The following MACROD2 variants were observed in gnomAD, a reference collection of about 807,000 sequenced individuals.
MACROD2 encodes mono-ADP ribosylhydrolase 2.
MACROD2 carries 36 observed loss-of-function variants against 70.4 expected under a neutral mutation model. The observed-to-expected ratio is 0.51, with a 90% CI of 0.39 to 0.68. The LOEUF is 0.68. Ranked by LOEUF, MACROD2 falls within the 30% of genes least tolerant of loss-of-function variation. MACROD2 has a pLI of 0.00. For synonymous variants in MACROD2, 172 were observed against 178.8 expected (o/e 0.96, Z 0.30); for missense variants, 496 against 538.4 (o/e 0.92, Z 0.78).
intron 15 of MACROD2, among the ~76,000 whole-genome samples, chr20:16,032,489 T>C (rs1164456031): frequency 6.6e-6 from 1 of 151,238 alleles, no homozygotes; most frequent in Non-Finnish European, 1.5e-5. Context: ...AAAGTGTCCA[T>C]AATAATAAGT....
chr20:15,361,234 A>G (rs1204454356), intron 6 of MACROD2, among the ~76,000 whole-genome samples: 1 of 152,178 alleles, frequency 6.6e-6, no homozygotes, highest in African/African-American at 2.4e-5. Flanking sequence ...TCACTTTTGT[A>G]TAGGATGTGA....
intron 3 of MACROD2, among the ~76,000 whole-genome samples, chr20:14,332,623 G>A (rs1465148857): frequency 6.6e-6 from 1 of 152,034 alleles, no homozygotes; most frequent in African/African-American, 2.4e-5. Context: ...TATTTTTAAT[G>A]ATTTCTCTCA....
intron 5 of MACROD2, among the ~76,000 whole-genome samples, chr20:15,148,131 G>A (rs983473614): frequency 1.3e-4 from 20 of 151,938 alleles, no homozygotes; most frequent in African/African-American, 4.6e-4. Context: ...GGGTGGTATG[G>A]AGAGAGAATG....
intron 6 of MACROD2, among the ~76,000 whole-genome samples, chr20:15,294,646 G>A (rs2146113609): frequency 6.6e-6 from 1 of 152,284 alleles, no homozygotes; most frequent in South Asian, 2.1e-4. Context: ...GTATTCTCCT[G>A]TGGGCTACAT....
intron 3 of MACROD2, 111 bp downstream of exon 3, chr20:14,085,839 T>C (rs1251663297): frequency 7.1e-6 from 4 of 559,794 alleles, no homozygotes; most frequent in Non-Finnish European, 1.2e-5. Flanking sequence ...GACGTAGAAA[T>C]GTCTATTCTG....
At chr20:15,368,608 C>G (rs768872275) in intron 6 of MACROD2, among the ~76,000 whole-genome samples, 3 of 151,740 alleles carry the variant, frequency 2.0e-5, no homozygotes, top group Non-Finnish European at 4.4e-5. Flanking sequence ...ATTACAGGAG[C>G]GCACCACCAT....
chr20:15,946,416 C>T (rs2050747), intron 12 of MACROD2, among the ~76,000 whole-genome samples: 106,609 of 151,976 alleles, frequency 0.7, 37,684 homozygotes, highest in Non-Finnish European at 0.75. Flanking sequence ...GAAATTATAA[C>T]AGATAATACA....
intron 3 of MACROD2, among the ~76,000 whole-genome samples, chr20:14,148,789 T>G (rs1180461343): frequency 1.3e-5 from 2 of 152,214 alleles, no homozygotes; most frequent in Non-Finnish European, 2.9e-5. Flanking sequence ...TGGATAGAGA[T>G]GCCCACAATC....
In MACROD2 at chr20:15,232,010, A is replaced by G. The variant is rs183974848; in HGVS notation, c.540+1949A>G. Among the ~76,000 whole-genome samples the G allele has an allele frequency of 2.0e-3, 308 of 152,094 alleles. 2 individuals are homozygous for G. The highest frequency in any genetic ancestry group is 7.2e-3 in the African/African-American group (301 of 41,560). ...CATGGTAGACTACAGTTGCCATCAA[A>G]TGTCTTGTCTCTTTTACACATAAAA... On this transcript the variant is annotated intron_variant, in intron 6 of 17. Coordinates refer to ENST00000684519, the MANE Select transcript of MACROD2 (RefSeq NM_001351661.2).
At chr20:14,243,486 T>C (rs2081945500) in intron 3 of MACROD2, among the ~76,000 whole-genome samples, 2 of 152,332 alleles carry the variant, frequency 1.3e-5, no homozygotes, top group Middle Eastern at 3.4e-3. Context: ...ATTCCATATA[T>C]ATAATTATTT....
intron 2 of MACROD2, among the ~76,000 whole-genome samples, chr20:14,054,008 A>G (rs1256628508): frequency 6.6e-6 from 1 of 152,090 alleles, no homozygotes; most frequent in Non-Finnish European, 1.5e-5. Flanking sequence ...TATGTTATAT[A>G]GAAACCATCT....
At chr20:15,721,873 C>T (rs2050792201) in intron 8 of MACROD2, among the ~76,000 whole-genome samples, 1 of 152,162 alleles carries the variant, frequency 6.6e-6, no homozygotes, top group Admixed American at 6.5e-5. Context: ...CTGATTGCGT[C>T]ACATTTTTCT....
intron 3 of MACROD2, among the ~76,000 whole-genome samples, chr20:14,143,347 GCAAA>G (rs1186237166): frequency 9.9e-5 from 15 of 152,168 alleles, no homozygotes; most frequent in Admixed American, 9.8e-4. Context: ...CTGTCTTTAA[GCAAA>G]CAGTGTTTGT....
chr20:14,347,448 T>C (rs901936568), intron 3 of MACROD2, among the ~76,000 whole-genome samples: 6 of 152,154 alleles, frequency 3.9e-5, no homozygotes, highest in Non-Finnish European at 7.4e-5. Flanking sequence ...CTAATAATGA[T>C]AATAGCATGA....
At chr20:15,220,717 GT>G in intron 5 of MACROD2, among the ~76,000 whole-genome samples, 2 of 152,318 alleles carry the variant, frequency 1.3e-5, no homozygotes, top group East Asian at 3.9e-4. Flanking sequence ...ATTCTTCACA[GT>G]GTAGGAATCT....
chr20:14,584,765 T>A (rs553180189), intron 4 of MACROD2, among the ~76,000 whole-genome samples: 2 of 152,318 alleles, frequency 1.3e-5, no homozygotes, highest in East Asian at 3.9e-4. Flanking sequence ...TAAAAGTTTT[T>A]AAATTTATAA....
At chr20:14,758,414 G>C (rs2071970543) in intron 5 of MACROD2, among the ~76,000 whole-genome samples, 1 of 152,156 alleles carries the variant, frequency 6.6e-6, no homozygotes, top group South Asian at 2.1e-4. Context: ...ATTAAAGCAT[G>C]CAGTCCTGTA....
intron 12 of MACROD2, among the ~76,000 whole-genome samples, chr20:15,956,005 A>AT (rs1158111254): frequency 6.6e-6 from 1 of 152,178 alleles, no homozygotes; most frequent in Admixed American, 6.5e-5. Flanking sequence ...TTGATACAAT[A>AT]TTTTACATTC....
At chr20:15,604,228 A>G (rs1329279349) in intron 8 of MACROD2, among the ~76,000 whole-genome samples, 1 of 152,258 alleles carries the variant, frequency 6.6e-6, no homozygotes, top group Non-Finnish European at 1.5e-5. Flanking sequence ...AACTCAGTGC[A>G]GAGGAGGAAG....
Sources: allele counts gnomAD v4.1 joint callset (sites outside exome capture counted in the v4.1 genomes callset), GRCh38; gene constraint gnomAD v4.1.1; transcripts MANE v1.5; gene names NCBI Gene and HGNC (gene_info 2026-07-23, HGNC 2026-07-21).